Variants in INTS7 observed in about 807,000 individuals in gnomAD.
INTS7 encodes chromosome 1 open reading frame 73.
In INTS7, 46 loss-of-function variants were observed where a neutral mutation model predicts 109.2. The observed-to-expected ratio is 0.42, with a 90% CI of 0.33 to 0.54. The LOEUF (loss-of-function observed/expected upper bound fraction) is 0.54, where lower values mean the gene tolerates loss of function less well. INTS7 is among the 20% of genes least tolerant of loss of function. INTS7 has a pLI of 0.07. For missense variants in INTS7, 929 were observed against 1,132.4 expected (o/e 0.82, Z 2.58); for synonymous variants, 412 against 402.9 (o/e 1.02, Z -0.27).
intron 17 of INTS7, among the ~76,000 whole-genome samples, chr1:211,950,613 G>A (rs75417464): frequency 0.062 from 9,460 of 152,266 alleles, 447 homozygotes; most frequent in African/African-American, 0.13. Flanking sequence ...TGACAGCACT[G>A]TGCTAGGCAA....
At chr1:211,997,270 T>G (rs895523072) in intron 7 of INTS7, among the ~76,000 whole-genome samples, 2 of 151,488 alleles carry the variant, frequency 1.3e-5, no homozygotes. Flanking sequence ...ATAGGCCAGG[T>G]GCAGTGGCTC....
chr1:211,998,841 G>T (rs1373959448), intron 7 of INTS7, among the ~76,000 whole-genome samples: 1 of 151,866 alleles, frequency 6.6e-6, no homozygotes, highest in African/African-American at 2.4e-5. Flanking sequence ...AATAAAAAAA[G>T]AATAAAATAT....
intron 4 of INTS7, among the ~76,000 whole-genome samples, chr1:212,013,185 ATG>A (rs1258616200): frequency 2.2e-4 from 33 of 148,406 alleles, no homozygotes; most frequent in Admixed American, 2.2e-3. Flanking sequence ...AGGTTAATGT[ATG>A]TGTCTCTGTG....
In INTS7 at chr1:211,987,899, G is replaced by C; in HGVS notation, c.984C>G (p.Phe328Leu). 3 of 1,573,362 alleles carry C rather than the reference G, an allele frequency of 1.9e-6. No individual in the cohort carries two copies. The highest frequency in any genetic ancestry group is 1.7e-6 in the Non-Finnish European group (2 of 1,143,660). The change falls in exon 8 of 20, where the codon TTC becomes TTG. Residue 328 changes from phenylalanine (F) to leucine (L), a missense_variant. Coordinates refer to ENST00000366994, the MANE Select transcript of INTS7 (RefSeq NM_015434.4). ...TCTTTTCCTTACCTGGAACTATACTGAAGTAATGTTTGATGGCGATGGTCC... is the reference window on the plus strand; with the variant it reads ...TCTTTTCCTTACCTGGAACTATACTCAAGTAATGTTTGATGGCGATGGTCC... ...LSGTIAIKHY[F>L]SIVPGNVSSS...
intron 8 of INTS7, among the ~76,000 whole-genome samples, chr1:211,984,421 CCTTA>C (rs1558039015): frequency 6.6e-6 from 1 of 152,018 alleles, no homozygotes; most frequent in Non-Finnish European, 1.5e-5. Context: ...ACCAGCATGA[CCTTA>C]CTGTTAATTT....
rs1356825456 is a variant in INTS7, at chr1:211,959,361, T to C, written c.2184-6660A>G. Among the ~76,000 whole-genome samples the C allele has an allele frequency of 6.6e-6, 1 of 152,166 alleles. No homozygotes were observed. Among genetic ancestry groups the C allele is most frequent in the Admixed American group, 6.5e-5 (1 of 15,276 alleles). The stretch of plus-strand genomic sequence containing the variant: ...CTCTCCTGGGGCCCCAACCTGGCTG[T>C]GCCTGCTTGCAGTGCAGCCTTGGGT... On this transcript the variant is annotated intron_variant, in intron 16 of 19. Coordinates refer to ENST00000366994, the MANE Select transcript of INTS7 (RefSeq NM_015434.4). The surrounding 1 kb of genome is among the most constrained non-coding windows in gnomAD (Gnocchi z 4.2).
rs80237288 is a variant in INTS7, at chr1:211,967,869, T to A, written c.2114+9A>T. On this transcript the variant is annotated intron_variant, in intron 15 of 19. Coordinates refer to ENST00000366994, the MANE Select transcript of INTS7 (RefSeq NM_015434.4). ...AAGAACAAGAAGTACTAGGGCAAGC[T>A]TGGGATACAGTTCAACATTCCTCAA... 1.6e-3 allele frequency: 2,362 copies of A among 1,503,110 alleles called. 3 individuals are homozygous for A. Among genetic ancestry groups the A allele is most frequent in the Admixed American group, 3.1e-3 (176 of 57,368 alleles). The allele number at this position is 1,503,110 out of a possible 1,614,324, so 93.1% of individuals were successfully genotyped here.
chr1:212,015,021 C>G (rs1398436551), intron 4 of INTS7, among the ~76,000 whole-genome samples: 1 of 151,866 alleles, frequency 6.6e-6, no homozygotes, highest in African/African-American at 2.4e-5. Context: ...AGCCCTTCCG[C>G]CTGGCAGCCG....
chr1:212,003,668 A>G (rs1665780743), intron 7 of INTS7, among the ~76,000 whole-genome samples: 1 of 152,256 alleles, frequency 6.6e-6, no homozygotes, highest in Non-Finnish European at 1.5e-5. Context: ...TATCTTAATT[A>G]TACAAGACAA....
chr1:212,011,562 G>C (rs1666168238), intron 4 of INTS7, 141 bp from the exon 5 acceptor site: 4 of 612,238 alleles, frequency 6.5e-6, no homozygotes, highest in Admixed American at 6.6e-5. Flanking sequence ...CAGGTGCTCG[G>C]GTTAGGGGAG....
intron 1 of INTS7, among the ~76,000 whole-genome samples, chr1:212,026,964 T>C (rs1348389316): frequency 6.6e-6 from 1 of 152,248 alleles, no homozygotes; most frequent in Non-Finnish European, 1.5e-5. Context: ...AAAGATTATT[T>C]TGAATGAAGC....
chr1:211,970,381 A>C (rs1664118459), intron 13 of INTS7, among the ~76,000 whole-genome samples: 1 of 152,220 alleles, frequency 6.6e-6, no homozygotes, highest in Non-Finnish European at 1.5e-5. Context: ...TTAACAATAA[A>C]CAGAGGCATA....
At position 211,980,975 on chromosome 1, in the gene INTS7, T is replaced by A. The variant is rs1216181195; in HGVS notation, c.1230+118A>T. Reference sequence around the variant, plus strand: ...AATCAGTGTAGTTTTATCAGTTAGATTTAATCACTTAGATTAAAACTTCTA... The same window carrying A: ...AATCAGTGTAGTTTTATCAGTTAGAATTAATCACTTAGATTAAAACTTCTA... On this transcript the variant is annotated intron_variant, in intron 10 of 19. Coordinates refer to ENST00000366994, the MANE Select transcript of INTS7 (RefSeq NM_015434.4). 1.4e-5 allele frequency: 8 copies of A among 554,704 alleles called. No individual in the cohort carries two copies. In the Admixed American group the frequency reaches 2.7e-4, roughly 19 times the overall value. 34.4% of individuals were successfully genotyped at this position (554,704 alleles called of 1,614,324 possible). A position where few individuals can be genotyped will look rare whatever the true frequency, so the allele number is the denominator to read the frequency against.
chr1:211,960,368 A>G (rs191153375), intron 16 of INTS7, among the ~76,000 whole-genome samples: 31 of 152,314 alleles, frequency 2.0e-4, no homozygotes, highest in African/African-American at 7.2e-4. Context: ...GAACCAGTGC[A>G]AGAACTTTGA....
In INTS7 at chr1:212,021,074, A is replaced by AAG; in HGVS notation, c.224+7_224+8dup. 1 of 1,591,206 alleles carries AAG rather than the reference A, an allele frequency of 6.3e-7. No individual in the cohort carries two copies. The highest frequency in any genetic ancestry group is 8.5e-7 in the Non-Finnish European group (1 of 1,172,546). On this transcript the variant is annotated intron_variant, in intron 2 of 19. Transcript: ENST00000366994. ...TACTTTAGGACATCGAGAATTTAAA[A>AAG]AGACTTACCCAACTCTGAAAACATC...
chr1:211,971,989 G>C (rs907943513), intron 13 of INTS7, among the ~76,000 whole-genome samples: 10 of 151,006 alleles, frequency 6.6e-5, no homozygotes, highest in Admixed American at 4.0e-4. Context: ...CAATGGAACA[G>C]TAAACACAAG....
chr1:211,992,909 A>G (rs1420039204), intron 7 of INTS7, among the ~76,000 whole-genome samples: 3 of 152,158 alleles, frequency 2.0e-5, no homozygotes, highest in Non-Finnish European at 4.4e-5. Flanking sequence ...TGTCTCATTC[A>G]TTACCACTGC....
In INTS7 at chr1:211,952,704, G is replaced by A. The variant is rs763963764; in HGVS notation, c.2184-3C>T. On this transcript the variant is annotated splice_region_variant and splice_polypyrimidine_tract_variant and intron_variant, in intron 16 of 19. Transcript: ENST00000366994. Reference sequence around the variant, plus strand: ...CAGTAGATCCATATTCCTGGAAACTGAAGTAAAGGTCAATATTCATTAATC... The same window carrying A: ...CAGTAGATCCATATTCCTGGAAACTAAAGTAAAGGTCAATATTCATTAATC... 6.2e-6 allele frequency: 10 copies of A among 1,610,628 alleles called. No individual in the cohort carries two copies. In the East Asian group the frequency reaches 2.2e-4, roughly 36 times the overall value.
chr1:211,991,719 G>A (rs1665156439), intron 7 of INTS7, among the ~76,000 whole-genome samples: 1 of 152,256 alleles, frequency 6.6e-6, no homozygotes. Context: ...AAAAGGACTA[G>A]ATTGTTGGAG....
Sources: allele counts gnomAD v4.1 joint callset (sites outside exome capture counted in the v4.1 genomes callset), GRCh38; gene constraint gnomAD v4.1.1; non-coding constraint Gnocchi (gnomAD v3.1); transcripts MANE v1.5; gene names NCBI Gene and HGNC (gene_info 2026-07-23, HGNC 2026-07-21).